The following CTNND2 variants were observed in gnomAD, a reference collection of about 807,000 sequenced individuals.
CTNND2 encodes the protein catenin delta-2.
A neutral mutation model predicts 144.4 loss-of-function variants in CTNND2; 22 were observed. The observed-to-expected ratio is 0.15, with a 90% CI of 0.11 to 0.22. CTNND2 has a LOEUF of 0.22. Ranked by LOEUF, CTNND2 falls within the 10% of genes least tolerant of loss-of-function variation. The pLI is 1.00. For missense variants in CTNND2, 1,353 were observed against 1,618.8 expected, an observed-to-expected ratio of 0.84 and a Z score of 2.82; for synonymous variants, 751 against 695.6, an observed-to-expected ratio of 1.08 and a Z score of -1.25.
intron 2 of CTNND2, 130 bp downstream of exon 2, chr5:11,732,006 T>C: frequency 1.4e-6 from 1 of 693,754 alleles, no homozygotes; most frequent in Non-Finnish European, 2.2e-6. Context: ...ATTATTTATA[T>C]AATAAATACC....
chr5:11,497,320 G>C (rs1238912311), intron 3 of CTNND2, among the ~76,000 whole-genome samples: 3 of 151,856 alleles, frequency 2.0e-5, no homozygotes, highest in Non-Finnish European at 4.4e-5. Flanking sequence ...TAATGTGAAA[G>C]GTGGATGTAA....
chr5:11,482,802 G>C (rs1323158992), intron 3 of CTNND2, among the ~76,000 whole-genome samples: 1 of 152,136 alleles, frequency 6.6e-6, no homozygotes, highest in Non-Finnish European at 1.5e-5. Context: ...GAACTTGACT[G>C]GAAGATTCAG....
chr5:11,720,811 C>T (rs1240142920), intron 2 of CTNND2, among the ~76,000 whole-genome samples: 1 of 152,158 alleles, frequency 6.6e-6, no homozygotes, highest in African/African-American at 2.4e-5. Context: ...CCTCAGCTCA[C>T]TATTCTGCCT....
intron 3 of CTNND2, among the ~76,000 whole-genome samples, chr5:11,470,494 T>A (rs1767087973): frequency 6.6e-6 from 1 of 152,090 alleles, no homozygotes; most frequent in African/African-American, 2.4e-5. Flanking sequence ...ACCTAGTTGA[T>A]CCCCTATTAT....
At chr5:11,539,969 G>A (rs1195695314) in intron 3 of CTNND2, among the ~76,000 whole-genome samples, 1 of 152,208 alleles carries the variant, frequency 6.6e-6, no homozygotes, top group African/African-American at 2.4e-5. Flanking sequence ...AGGAGGAGGA[G>A]TTTGCAGTGA....
chr5:11,415,220 C>T (rs1351767197), intron 3 of CTNND2, among the ~76,000 whole-genome samples: 1 of 152,136 alleles, frequency 6.6e-6, no homozygotes, highest in Non-Finnish European at 1.5e-5. Context: ...TGTAAGTGTT[C>T]ACTTTTCTCC....
At position 11,346,447 on chromosome 5, in the gene CTNND2, T is replaced by C; in HGVS notation, c.1553A>G (p.Lys518Arg). 1 of 1,571,816 alleles carries C rather than the reference T, an allele frequency of 6.4e-7. No individual in the cohort carries two copies. Among genetic ancestry groups the C allele is most frequent in the South Asian group, 1.2e-5 (1 of 85,930 alleles). Residue 518 changes from lysine (K) to arginine (R), a missense_variant, in exon 9 of 22, where the codon AAA becomes AGA. Physicochemically the swap from Lys to Arg is conservative, Grantham distance 26. Around this residue, in one of 4 missense-constraint regions of CTNND2, gnomAD observed 708 missense variants for 706.4 expected, o/e 1.00. Transcript: ENST00000304623. ...YCPSVESPYSKSGPALPPEGT... is the reference protein window; with the variant it reads ...YCPSVESPYSRSGPALPPEGT... ...TTCAGGCGGGAGAGCAGGGCCGGAT[T>C]TGCTGTATGGAGACTCAACAGAGGG...
At chr5:11,651,792 G>T (rs181473058) in intron 2 of CTNND2, among the ~76,000 whole-genome samples, 1 of 152,288 alleles carries the variant, frequency 6.6e-6, no homozygotes, top group Admixed American at 6.5e-5. Context: ...CTTTGTTTTG[G>T]CTGATTTCTC....
chr5:10,997,005 A>AG (rs906330439), intron 18 of CTNND2, among the ~76,000 whole-genome samples: 11 of 152,124 alleles, frequency 7.2e-5, no homozygotes, highest in African/African-American at 2.4e-4. Context: ...CCTTTGATCG[A>AG]GGGGTCCAAG....
At chr5:11,561,028 C>T (rs187084032) in intron 3 of CTNND2, among the ~76,000 whole-genome samples, 38 of 152,302 alleles carry the variant, frequency 2.5e-4, no homozygotes, top group Admixed American at 1.4e-3. Context: ...GAGCCTCAAC[C>T]TGGACGAGGA....
At chr5:11,196,586 A>G (rs1736876864) in intron 11 of CTNND2, among the ~76,000 whole-genome samples, 1 of 152,212 alleles carries the variant, frequency 6.6e-6, no homozygotes, top group Admixed American at 6.5e-5. Flanking sequence ...CCTAATTCCT[A>G]AACAGATTTG....
At position 11,396,730 on chromosome 5, in the gene CTNND2, T is replaced by C. The variant is rs145592729; in HGVS notation, c.612+301A>G. Among the ~76,000 whole-genome samples, 30 of 152,244 alleles carry C rather than the reference T, an allele frequency of 2.0e-4. No homozygotes were observed. In the East Asian group the frequency reaches 4.4e-3, roughly 23 times the overall value. Reference sequence around the variant, plus strand: ...ATCATACTTATATCACATATAGACATAGAGGGAGTAACTAGATGGACACTG... The same window carrying C: ...ATCATACTTATATCACATATAGACACAGAGGGAGTAACTAGATGGACACTG... On this transcript the variant is annotated intron_variant, in intron 6 of 21. Coordinates refer to ENST00000304623, the MANE Select transcript of CTNND2 (RefSeq NM_001332.4).
At chr5:11,416,554 A>C (rs536888177) in intron 3 of CTNND2, among the ~76,000 whole-genome samples, 4 of 152,258 alleles carry the variant, frequency 2.6e-5, no homozygotes. Context: ...TGCCTATTTT[A>C]TGTATTTGAT....
chr5:11,264,086 G>A, intron 9 of CTNND2, among the ~76,000 whole-genome samples: 1 of 151,992 alleles, frequency 6.6e-6, no homozygotes, highest in Non-Finnish European at 1.5e-5. Flanking sequence ...CTTAGTTCTG[G>A]CCATCAGAAT....
chr5:11,385,548 T>G (rs1450781715), intron 6 of CTNND2, among the ~76,000 whole-genome samples: 1 of 152,202 alleles, frequency 6.6e-6, no homozygotes, highest in Non-Finnish European at 1.5e-5. Context: ...ATAAAGATTT[T>G]TAAAGCCCCA....
chr5:11,017,802 C>T (rs566597161), intron 18 of CTNND2, among the ~76,000 whole-genome samples, 172 bp downstream of exon 18: 1 of 152,188 alleles, frequency 6.6e-6, no homozygotes, highest in East Asian at 1.9e-4. Flanking sequence ...GTTCATGGAT[C>T]TTAGGAGCTA....
At chr5:11,794,993 T>C (rs1393847118) in intron 1 of CTNND2, among the ~76,000 whole-genome samples, 1 of 152,236 alleles carries the variant, frequency 6.6e-6, no homozygotes, top group African/African-American at 2.4e-5. Flanking sequence ...TATTTTCCCA[T>C]GTATTTTTTA....
chr5:11,444,969 T>C (rs1764674215), intron 3 of CTNND2, among the ~76,000 whole-genome samples: 1 of 152,140 alleles, frequency 6.6e-6, no homozygotes, highest in Non-Finnish European at 1.5e-5. Context: ...TGTGAGGGGC[T>C]TGCTTGTCCT....
chr5:11,662,295 A>G (rs1433283715), intron 2 of CTNND2, among the ~76,000 whole-genome samples: 1 of 147,862 alleles, frequency 6.8e-6, no homozygotes, highest in Non-Finnish European at 1.5e-5. Flanking sequence ...ATATATAGAC[A>G]GAGAGAGAGA....
Sources: allele counts gnomAD v4.1 joint callset (sites outside exome capture counted in the v4.1 genomes callset), GRCh38; gene constraint gnomAD v4.1.1; regional missense constraint gnomAD v4.1.1; transcripts MANE v1.5; gene names NCBI Gene and HGNC (gene_info 2026-07-23, HGNC 2026-07-21).